RHOA: variants seen among roughly 807,000 people sequenced by gnomAD.
RHOA encodes the protein ras homolog family member A.
A neutral mutation model predicts 17.5 loss-of-function variants in RHOA; 3 were observed. That is an observed-to-expected ratio of 0.17 (90% CI 0.08 to 0.44). The LOEUF is 0.44. RHOA is among the 20% of genes least tolerant of loss of function. The pLI is 0.99. For missense variants in RHOA, 56 were observed against 242.3 expected, an observed-to-expected ratio of 0.23 and a Z score of 5.10; for synonymous variants, 98 against 88.4, an observed-to-expected ratio of 1.11 and a Z score of -0.61.
chr3:49,390,723 A>C (rs2107878139), intron 1 of RHOA, among the ~76,000 whole-genome samples: 1 of 152,298 alleles, frequency 6.6e-6, no homozygotes, highest in South Asian at 2.1e-4. Flanking sequence ...ATTTTGATAG[A>C]GTGACAGTAG....
intron 1 of RHOA, among the ~76,000 whole-genome samples, chr3:49,381,710 G>C (rs6766297): frequency 0.98 from 149,335 of 152,056 alleles, 73,399 homozygotes; most frequent in Middle Eastern, 1. Context: ...ACTAAAAATA[G>C]AAAAATTAGC....
At chr3:49,379,805 C>T (rs185021820) in intron 1 of RHOA, among the ~76,000 whole-genome samples, 61 of 152,262 alleles carry the variant, frequency 4.0e-4, no homozygotes, top group African/African-American at 8.7e-4. Context: ...CGTGAGCCAC[C>T]GCACCCAGCC....
intron 1 of RHOA, among the ~76,000 whole-genome samples, chr3:49,379,964 T>G (rs1575657688): frequency 6.6e-6 from 1 of 152,338 alleles, no homozygotes; most frequent in Non-Finnish European, 1.5e-5. Flanking sequence ...ACAGTGATGG[T>G]CAACCATCCC....
At chr3:49,365,405 A>T (rs1325179429) in intron 3 of RHOA, among the ~76,000 whole-genome samples, 1 of 151,782 alleles carries the variant, frequency 6.6e-6, no homozygotes, top group Non-Finnish European at 1.5e-5. Flanking sequence ...GGCCTCCCAA[A>T]GTGGTGGGAT....
At chr3:49,400,211 CAAAA>C (rs1396381544) in intron 1 of RHOA, among the ~76,000 whole-genome samples, 1 of 23,896 alleles carries the variant, frequency 4.2e-5, no homozygotes, top group Non-Finnish European at 8.5e-5. Flanking sequence ...GACTCCATCT[CAAAA>C]AAAAAAAAAA....
At chr3:49,384,995 G>A (rs893300111) in intron 1 of RHOA, among the ~76,000 whole-genome samples, 8 of 151,418 alleles carry the variant, frequency 5.3e-5, no homozygotes, top group Non-Finnish European at 1.2e-4. Context: ...CCTGGGAGGC[G>A]GAGGTTGCAG....
chr3:49,394,604 G>C (rs557616288), intron 1 of RHOA, among the ~76,000 whole-genome samples: 1 of 152,000 alleles, frequency 6.6e-6, no homozygotes, highest in South Asian at 2.1e-4. Flanking sequence ...ACCTGCCTCG[G>C]CCTCCCAAAA....
chr3:49,400,306 C>G (rs1230643226), intron 1 of RHOA, among the ~76,000 whole-genome samples: 1 of 151,888 alleles, frequency 6.6e-6, no homozygotes, highest in African/African-American at 2.4e-5. Context: ...CTGGCCACCC[C>G]CCACCACCTC....
At chr3:49,379,855 A>G (rs1452864349) in intron 1 of RHOA, among the ~76,000 whole-genome samples, 1 of 152,204 alleles carries the variant, frequency 6.6e-6, no homozygotes, top group Non-Finnish European at 1.5e-5. Context: ...GGTGAATTGT[A>G]AGATATGTGG....
rs199906304 is a variant in RHOA, at chr3:49,380,674, AAATAATAATAATAAT to A, written c.-2-5098_-2-5084del. 1.1e-3 allele frequency among the ~76,000 whole-genome samples: 150 copies of A among 137,534 alleles called. 1 individual carries two copies. Among genetic ancestry groups the A allele is most frequent in the East Asian group, 2.7e-3 (13 of 4,730 alleles). 90.2% of individuals were successfully genotyped at this position (137,534 alleles called of 152,430 possible). A position where few individuals can be genotyped will look rare whatever the true frequency, so the allele number is the denominator to read the frequency against. On this transcript the variant is annotated intron_variant, in intron 1 of 4. Coordinates refer to ENST00000418115, the MANE Select transcript of RHOA (RefSeq NM_001664.4). ...TGGGTGACAGAGACTCTTGTCTCAAAAATAATAATAATAATAATAATAATAATAATAATAATAATA... is the reference window on the plus strand; with the variant it reads ...TGGGTGACAGAGACTCTTGTCTCAAAAATAATAATAATAATAATAATAATA...
intron 1 of RHOA, among the ~76,000 whole-genome samples, chr3:49,405,564 C>T (rs2048819550): frequency 6.6e-6 from 1 of 152,170 alleles, no homozygotes; most frequent in Non-Finnish European, 1.5e-5. Context: ...AACTGAATTA[C>T]AAAGGAGACA....
At chr3:49,375,403 T>C (rs1286897591) in intron 2 of RHOA, 31 bp downstream of exon 2, 13 of 1,580,252 alleles carry the variant, frequency 8.2e-6, no homozygotes, top group Middle Eastern at 1.7e-4. Context: ...ACATGGAAAA[T>C]GGCATCAGTT....
chr3:49,374,434 T>C (rs1281637920), intron 2 of RHOA, among the ~76,000 whole-genome samples: 2 of 152,100 alleles, frequency 1.3e-5, no homozygotes, highest in South Asian at 2.1e-4. Context: ...AAAGAGCACA[T>C]ATGGCTGGGC....
At chr3:49,409,152 T>C (rs1207752783) in intron 1 of RHOA, among the ~76,000 whole-genome samples, 1 of 150,608 alleles carries the variant, frequency 6.6e-6, no homozygotes, top group Non-Finnish European at 1.5e-5. Context: ...CCCAGCACTT[T>C]GGGAGGCCAA....
intron 1 of RHOA, among the ~76,000 whole-genome samples, chr3:49,391,884 A>G (rs1438222440): frequency 7.2e-6 from 1 of 138,490 alleles, no homozygotes; most frequent in Non-Finnish European, 1.5e-5. Flanking sequence ...ACTGGAGTGT[A>G]ATGGCACGAT....
intron 4 of RHOA, among the ~76,000 whole-genome samples, chr3:49,362,079 C>G (rs1406003822): frequency 6.7e-6 from 1 of 150,370 alleles, no homozygotes; most frequent in African/African-American, 2.4e-5. Context: ...CCCAGCTACT[C>G]GGGAGTCTGA....
intron 3 of RHOA, among the ~76,000 whole-genome samples, chr3:49,364,129 C>T (rs766475802): frequency 6.6e-6 from 1 of 151,796 alleles, no homozygotes; most frequent in South Asian, 2.1e-4. Context: ...GCAGGTGGAT[C>T]GCGTTAGGTC....
chr3:49,389,731 G>A (rs1298296911), intron 1 of RHOA, among the ~76,000 whole-genome samples: 1 of 151,860 alleles, frequency 6.6e-6, no homozygotes, highest in African/African-American at 2.4e-5. Context: ...CACGAGGTCA[G>A]GATATTGACA....
intron 3 of RHOA, among the ~76,000 whole-genome samples, chr3:49,364,251 G>A (rs192003366): frequency 6.6e-6 from 1 of 152,174 alleles, no homozygotes; most frequent in Non-Finnish European, 1.5e-5. Context: ...TGTGAAGGCC[G>A]GGGCGGGTGG....
Sources: allele counts gnomAD v4.1 joint callset (sites outside exome capture counted in the v4.1 genomes callset), GRCh38; gene constraint gnomAD v4.1.1; transcripts MANE v1.5; gene names NCBI Gene and HGNC (gene_info 2026-07-23, HGNC 2026-07-21).